MBP: variants seen among roughly 807,000 people sequenced by gnomAD.
MBP encodes the protein myelin basic protein.
In MBP, 16 loss-of-function variants were observed where a neutral mutation model predicts 35.8. That is an observed-to-expected ratio of 0.45 (90% confidence interval 0.30 to 0.68). The LOEUF is 0.68. Ranked by LOEUF, MBP falls within the 30% of genes least tolerant of loss-of-function variation. The probability of loss-of-function intolerance (pLI) is 0.08; values close to 1 mark genes in which losing one functional copy is unlikely to be tolerated. For synonymous variants in MBP, 143 were observed against 159.6 expected, an observed-to-expected ratio of 0.90 and a Z score of 0.78; for missense variants, 380 against 404.7, an observed-to-expected ratio of 0.94 and a Z score of 0.52.
intron 3 of MBP, among the ~76,000 whole-genome samples, chr18:77,024,805 C>A (rs1037090079): frequency 1.3e-5 from 2 of 152,242 alleles, no homozygotes; most frequent in African/African-American, 4.8e-5. Flanking sequence ...AGTCGCTGAG[C>A]CCAGATGTGC....
At chr18:77,049,333 TAAA>T (rs1329902475) in intron 3 of MBP, among the ~76,000 whole-genome samples, 1 of 152,218 alleles carries the variant, frequency 6.6e-6, no homozygotes, top group South Asian at 2.1e-4. Context: ...TTCAAAATAA[TAAA>T]AAGCCTTGAT....
intron 2 of MBP, among the ~76,000 whole-genome samples, chr18:77,081,841 C>CATAT (rs1261453243): frequency 4.9e-5 from 2 of 41,052 alleles, no homozygotes; most frequent in Admixed American, 3.2e-4. Context: ...CACACACACA[C>CATAT]ATATATATAT....
Position 77,033,347 on chromosome 18 carries a change from G to A in MBP, c.140-16079C>T, listed in dbSNP as rs541899995. On this transcript the variant is annotated intron_variant, in intron 3 of 8. Transcript: ENST00000355994. ...CATAATTTAATCTCTTTAAGGCTTG[G>A]TTGCCTCATTTGCAAAACTGATATA... 2.6e-4 allele frequency among the ~76,000 whole-genome samples: 39 copies of A among 152,238 alleles called. 1 individual carries two copies. The highest frequency in any genetic ancestry group is 8.9e-4 in the African/African-American group (37 of 41,562).
rs1048947 is a variant in MBP at position 76,979,233 on chromosome 18, G to C, written c.*1194C>G. 7,181 of 151,966 alleles carry C rather than the reference G, an allele frequency of 0.047. 330 individuals are homozygous for C. The highest frequency in any genetic ancestry group is 0.11 in the African/African-American group (4,607 of 41,370). The allele number at this position is 151,966 out of a possible 1,614,324, so 9.4% of individuals were successfully genotyped here. The stretch of plus-strand genomic sequence containing the variant: ...ATCAAAAGGTGGGTCAGTAGGTTAG[G>C]GAGGGAGGCGCGAAAGGAGATGCCA... On this transcript the variant is annotated 3_prime_UTR_variant, in exon 9 of 9. Transcript: ENST00000355994.
chr18:77,131,369 T>C lies in MBP; in HGVS notation c.-26+1211A>G, dbSNP rs1461004595. Among the ~76,000 whole-genome samples, 4 of 152,182 alleles carry C rather than the reference T, an allele frequency of 2.6e-5. No homozygotes were observed. In the South Asian group the frequency reaches 8.3e-4, roughly 32 times the overall value. On this transcript the variant is annotated intron_variant, in intron 1 of 8. Transcript: ENST00000355994. This position sits in a 1 kb window ranked among gnomAD's most constrained non-coding sequence, Gnocchi z 5.5. ...GTCCAAAACACACACTGGAGTTCCC[T>C]GACGTTTCCTTCCTCTGAAAAACTC...
intron 2 of MBP, among the ~76,000 whole-genome samples, chr18:77,088,335 G>A (rs921465705): frequency 2.6e-5 from 4 of 152,142 alleles, no homozygotes; most frequent in Admixed American, 6.5e-5. Context: ...ATGAGGGCAG[G>A]ACCCATCCAT....
At chr18:77,060,522 C>T (rs896195451) in intron 3 of MBP, among the ~76,000 whole-genome samples, 3 of 140,458 alleles carry the variant, frequency 2.1e-5, no homozygotes, top group African/African-American at 8.5e-5. Flanking sequence ...GGTGTGATCT[C>T]AGCTCACTGC....
In MBP at chr18:77,090,682, G is replaced by A. The variant is rs1198484348; in HGVS notation, c.51+14529C>T. Among the ~76,000 whole-genome samples the A allele has an allele frequency of 5.3e-5, 8 of 152,134 alleles. No homozygotes were observed. The South Asian group carries it at 1.0e-3, about 20-fold the overall frequency. On this transcript the variant is annotated intron_variant, in intron 2 of 8. Transcript: ENST00000355994. Reference sequence around the variant, plus strand: ...TCACTTTGGACACGTCTATCCTCCCGGCTCTCGGGCTTTCCTTATCAGCCT... The same window carrying A: ...TCACTTTGGACACGTCTATCCTCCCAGCTCTCGGGCTTTCCTTATCAGCCT...
At chr18:76,990,426 A>C (rs1969831230) in intron 4 of MBP, among the ~76,000 whole-genome samples, 2 of 152,096 alleles carry the variant, frequency 1.3e-5, no homozygotes, top group Admixed American at 1.3e-4. Context: ...AAACTGGCCT[A>C]ATATGATTCT....
rs117339028 is a variant in MBP, at chr18:76,982,318, A to T, written c.871-1847T>A. 9 of 152,366 alleles carry T rather than the reference A, an allele frequency of 5.9e-5. No individual in the cohort carries two copies. The East Asian group carries it at 1.7e-3, about 29-fold the overall frequency. 9.4% of individuals were successfully genotyped at this position (152,366 alleles called of 1,614,324 possible). On this transcript the variant is annotated intron_variant, in intron 8 of 8. Coordinates refer to ENST00000355994, the MANE Select transcript of MBP (RefSeq NM_001025101.2). ...ATCTGATCCACCCTGGGCTCAGGTC[A>T]GTATAAGGCTGAACTCACAAGGTGA...
intron 3 of MBP, among the ~76,000 whole-genome samples, chr18:77,050,857 G>C (rs1422344514): frequency 6.6e-6 from 1 of 152,050 alleles, no homozygotes; most frequent in Non-Finnish European, 1.5e-5. Flanking sequence ...TATTACCTTA[G>C]TATTAAGGAG....
At chr18:77,027,065 G>A (rs1157141821) in intron 3 of MBP, among the ~76,000 whole-genome samples, 1 of 152,146 alleles carries the variant, frequency 6.6e-6, no homozygotes, top group Non-Finnish European at 1.5e-5. Flanking sequence ...TATTTGCATC[G>A]TTCCCATCTA....
chr18:76,987,645 G>A lies in MBP; in HGVS notation c.750+850C>T, dbSNP rs1011114891. 3 of 988,048 alleles carry A rather than the reference G, an allele frequency of 3.0e-6. No homozygotes were observed. In the African/African-American group the frequency reaches 5.2e-5, roughly 17 times the overall value. The allele number at this position is 988,048 out of a possible 1,614,324, so 61.2% of individuals were successfully genotyped here. ...TGAGCAGAAAGTGTAGGTAGGCTCT[G>A]TTCTAGCGTATGAGAGCATTGCAGT... On this transcript the variant is annotated intron_variant, in intron 7 of 8. Transcript: ENST00000355994.
At chr18:77,009,811 C>T (rs1341307285) in intron 4 of MBP, 3 of 1,525,354 alleles carry the variant, frequency 2.0e-6, no homozygotes, top group Admixed American at 4.0e-5. Flanking sequence ...GGCAGGTCAC[C>T]CCTGGCCCCG....
chr18:77,091,200 A>G (rs11661533), intron 2 of MBP, among the ~76,000 whole-genome samples: 18,793 of 152,272 alleles, frequency 0.12, 1,300 homozygotes, highest in South Asian at 0.19. Context: ...AATGATCTAC[A>G]CTGCACTTAT....
At chr18:77,027,391 G>A (rs1568300048) in intron 3 of MBP, among the ~76,000 whole-genome samples, 1 of 152,158 alleles carries the variant, frequency 6.6e-6, no homozygotes, top group South Asian at 2.1e-4. Flanking sequence ...GCCCGCACAC[G>A]CCTGCTGAGG....
intron 3 of MBP, among the ~76,000 whole-genome samples, chr18:77,037,483 A>G (rs1348084057): frequency 6.6e-6 from 1 of 152,178 alleles, no homozygotes; most frequent in Admixed American, 6.5e-5. Flanking sequence ...GGCTGTTTTT[A>G]GGGCATTCTC....
chr18:77,094,487 G>A (rs908451094), intron 2 of MBP, among the ~76,000 whole-genome samples: 40 of 152,210 alleles, frequency 2.6e-4, no homozygotes, highest in African/African-American at 8.2e-4. Flanking sequence ...ACTTTACTGC[G>A]GGTGCCACGT....
chr18:77,060,446 TCC>T (rs1314084537), intron 3 of MBP, among the ~76,000 whole-genome samples: 1 of 110,958 alleles, frequency 9.0e-6, no homozygotes, highest in Admixed American at 9.7e-5. Context: ...TCTCTCTCTC[TCC>T]TTTTTTTTTT....
Sources: allele counts gnomAD v4.1 joint callset (sites outside exome capture counted in the v4.1 genomes callset), GRCh38; gene constraint gnomAD v4.1.1; non-coding constraint Gnocchi (gnomAD v3.1); transcripts MANE v1.5; gene names NCBI Gene and HGNC (gene_info 2026-07-23, HGNC 2026-07-21).